The following TRIM5 variants were observed in gnomAD, a reference collection of about 807,000 sequenced individuals.
The protein encoded by TRIM5 is tripartite motif-containing protein 5.
TRIM5 carries 31 observed loss-of-function variants against 35.6 expected under a neutral mutation model. The ratio of observed to expected loss-of-function variants is 0.87; its 90% CI spans 0.65 to 1.18. TRIM5 has a LOEUF of 1.18. TRIM5 is among the 50% of genes most tolerant of loss of function. TRIM5 has a pLI of 0.00. For missense variants in TRIM5, 609 were observed against 591.6 expected, an observed-to-expected ratio of 1.03 and a Z score of -0.31; for synonymous variants, 243 against 215.6, an observed-to-expected ratio of 1.13 and a Z score of -1.11.
the TRIM5 span, among the ~76,000 whole-genome samples, chr11:5,638,155 G>A: frequency 6.6e-6 from 1 of 152,168 alleles, no homozygotes; most frequent in Non-Finnish European, 1.5e-5. Flanking sequence ...ATGCTTGTGG[G>A]TGACAAAATT....
chr11:5,590,513 C>T, the TRIM5 span: 1 of 152,284 alleles, frequency 6.6e-6, no homozygotes, highest in South Asian at 2.1e-4. Flanking sequence ...CTGGTGGGGC[C>T]TTGGAGAACC....
At chr11:5,677,360 T>C (rs1281678097) in intron 4 of TRIM5, among the ~76,000 whole-genome samples, 2 of 152,186 alleles carry the variant, frequency 1.3e-5, no homozygotes, top group East Asian at 1.9e-4. Flanking sequence ...AAAATGCTCA[T>C]CATCACTGGC....
chr11:5,633,916 A>C, the TRIM5 span: 2 of 1,612,686 alleles, frequency 1.2e-6, no homozygotes, highest in Non-Finnish European at 1.7e-6. Flanking sequence ...GGAGATTCTG[A>C]AGGTTTTCTG....
the TRIM5 span, chr11:5,610,716 C>G: frequency 4.4e-6 from 7 of 1,584,610 alleles, no homozygotes; most frequent in Non-Finnish European, 6.0e-6. Flanking sequence ...GTTTCCTCTT[C>G]TCAGCATAAC....
the TRIM5 span, among the ~76,000 whole-genome samples, chr11:5,595,720 C>CT: frequency 0.015 from 2,164 of 141,222 alleles, 44 homozygotes; most frequent in African/African-American, 0.041. Context: ...TTCAAAAATT[C>CT]TTTTTTTTTT....
chr11:5,632,530 C>T, the TRIM5 span: 2 of 1,613,924 alleles, frequency 1.2e-6, no homozygotes, highest in South Asian at 1.1e-5. Flanking sequence ...CTCATTTGAA[C>T]ATCTACAGGC....
the TRIM5 span, chr11:5,604,611 G>GA: frequency 1.2e-6 from 2 of 1,612,976 alleles, no homozygotes; most frequent in South Asian, 2.2e-5. Context: ...TTATCAGAGA[G>GA]AAGAAAACAT....
At position 5,663,379 on chromosome 11, in the gene TRIM5, T is replaced by C. The variant is rs2134007893; in HGVS notation, c.*1430A>G. Reference sequence around the variant, plus strand: ...AAATCCTAAATATATGTGTGTATTATATATAGAAGGCAGAATTGAAGTCAT... The same window carrying C: ...AAATCCTAAATATATGTGTGTATTACATATAGAAGGCAGAATTGAAGTCAT... On this transcript the variant is annotated 3_prime_UTR_variant, in exon 8 of 8. Transcript: ENST00000380034. The C allele has an allele frequency of 2.1e-6, 2 of 971,578 alleles. No individual in the cohort carries two copies. Among genetic ancestry groups the C allele is most frequent in the Non-Finnish European group, 2.4e-6 (2 of 817,302 alleles). The allele number at this position is 971,578 out of a possible 1,614,324, so 60.2% of individuals were successfully genotyped here.
At chr11:5,614,598 T>C in the TRIM5 span, among the ~76,000 whole-genome samples, 1 of 152,190 alleles carries the variant, frequency 6.6e-6, no homozygotes, top group Non-Finnish European at 1.5e-5. Flanking sequence ...GGACTCAGGA[T>C]CTCAGCTTTT....
chr11:5,604,157 G>T, the TRIM5 span, among the ~76,000 whole-genome samples: 2 of 150,708 alleles, frequency 1.3e-5, no homozygotes, highest in East Asian at 3.9e-4. Context: ...ACCATGCCCA[G>T]CTAATTGTGT....
At chr11:5,643,622 T>C in the TRIM5 span, 286 of 1,614,180 alleles carry the variant, frequency 1.8e-4, no homozygotes, top group South Asian at 3.7e-4. Flanking sequence ...ACAAGTTCTC[T>C]AAATGTTGCT....
chr11:5,667,598 T>C, intron 5 of TRIM5, 91 bp downstream of exon 5: 4 of 1,352,564 alleles, frequency 3.0e-6, no homozygotes, highest in Non-Finnish European at 4.1e-6. Flanking sequence ...CCCTGGGAGA[T>C]GTTTTATTCT....
At chr11:5,608,344 T>C in the TRIM5 span, 4 of 1,613,060 alleles carry the variant, frequency 2.5e-6, no homozygotes, top group Non-Finnish European at 3.4e-6. Flanking sequence ...TGTTACTCCT[T>C]GACTTAACCT....
the TRIM5 span, among the ~76,000 whole-genome samples, chr11:5,622,752 A>T: frequency 6.6e-6 from 1 of 152,238 alleles, no homozygotes; most frequent in Admixed American, 6.5e-5. Flanking sequence ...TGCTTTAACA[A>T]ATCTGTCTGA....
At chr11:5,599,400 T>TATTTA in the TRIM5 span, among the ~76,000 whole-genome samples, 2 of 151,126 alleles carry the variant, frequency 1.3e-5, no homozygotes, top group Non-Finnish European at 2.9e-5. Flanking sequence ...TTTATTTATT[T>TATTTA]ATTTATTTAT....
At chr11:5,594,533 G>A in the TRIM5 span, among the ~76,000 whole-genome samples, 13 of 152,086 alleles carry the variant, frequency 8.5e-5, 1 homozygote, top group South Asian at 4.1e-4. Flanking sequence ...CCTCAAAATT[G>A]TGGATTCAAG....
the TRIM5 span, chr11:5,590,789 TG>T: frequency 6.6e-6 from 1 of 152,500 alleles, no homozygotes; most frequent in South Asian, 2.1e-4. Context: ...GCTCACTCTT[TG>T]GGTCCACACT....
At chr11:5,631,904 TAAAA>T in the TRIM5 span, among the ~76,000 whole-genome samples, 1 of 152,126 alleles carries the variant, frequency 6.6e-6, no homozygotes. Flanking sequence ...ATAATGATAA[TAAAA>T]GAAAGATGGC....
At chr11:5,674,471 G>A (rs1312546450) in intron 4 of TRIM5, among the ~76,000 whole-genome samples, 2 of 152,206 alleles carry the variant, frequency 1.3e-5, no homozygotes, top group Admixed American at 6.5e-5. Context: ...GCGTGTGAGA[G>A]GTACCCTCCA....
Sources: allele counts gnomAD v4.1 joint callset (sites outside exome capture counted in the v4.1 genomes callset), GRCh38; gene constraint gnomAD v4.1.1; transcripts MANE v1.5; gene names NCBI Gene and HGNC (gene_info 2026-07-23, HGNC 2026-07-21).